Variants in KLC1 observed in about 807,000 individuals in gnomAD.
KLC1 encodes the protein kinesin light chain 1.
Under a neutral mutation model 84.2 loss-of-function variants are expected in KLC1, and 30 were observed. The ratio of observed to expected loss-of-function variants is 0.36; its 90% CI spans 0.27 to 0.48. The LOEUF (loss-of-function observed/expected upper bound fraction) is 0.48, where lower values mean the gene tolerates loss of function less well. KLC1 is among the 20% of genes least tolerant of loss of function. KLC1 has a pLI of 0.99. For missense variants in KLC1, 499 were observed against 805.4 expected, an observed-to-expected ratio of 0.62 and a Z score of 4.60; for synonymous variants, 289 against 293.3, an observed-to-expected ratio of 0.99 and a Z score of 0.15.
In KLC1 at chr14:103,641,430, C is replaced by T. The variant is rs114266544; in HGVS notation, c.-2+11936C>T. 5.3e-3 allele frequency among the ~76,000 whole-genome samples: 814 copies of T among 152,160 alleles called. 8 individuals carry two copies. The highest frequency in any genetic ancestry group is 0.019 in the African/African-American group (782 of 41,506). On this transcript the variant is annotated intron_variant, in intron 1 of 16. Transcript: ENST00000334553. ...AACAAAGTACCACAGGCTAGTGACT[C>T]ACGAACAACACAAGCCACAGTCCTG...
intron 1 of KLC1, among the ~76,000 whole-genome samples, chr14:103,638,900 G>GGTGTGT (rs530816509): frequency 3.3e-5 from 5 of 150,038 alleles, no homozygotes; most frequent in Non-Finnish European, 5.9e-5. Context: ...TGAGCACAAG[G>GGTGTGT]GTGTGTGTGT....
intron 1 of KLC1, among the ~76,000 whole-genome samples, chr14:103,653,995 G>T (rs1470451821): frequency 6.6e-6 from 1 of 152,190 alleles, no homozygotes; most frequent in Non-Finnish European, 1.5e-5. Context: ...GCCTGGCCCT[G>T]GTGGTGCTTC....
chr14:103,689,675 C>T lies in KLC1; in HGVS notation c.1781+2464C>T, dbSNP rs184037431. On this transcript the variant is annotated intron_variant, in intron 14 of 16. Transcript: ENST00000334553. ...TCCCACAGTGCTGGGGCTGCTGGCCCGGGGCCACTTTTTGAGAATCGCTCA... is the reference window on the plus strand; with the variant it reads ...TCCCACAGTGCTGGGGCTGCTGGCCTGGGGCCACTTTTTGAGAATCGCTCA... Among the ~76,000 whole-genome samples, 58 of 152,226 alleles carry T rather than the reference C, an allele frequency of 3.8e-4. 1 individual carries two copies. The highest frequency in any genetic ancestry group is 9.4e-4 in the African/African-American group (39 of 41,548).
chr14:103,648,621 A>G (rs999276694), intron 1 of KLC1, among the ~76,000 whole-genome samples: 1 of 152,056 alleles, frequency 6.6e-6, no homozygotes, highest in Admixed American at 6.6e-5. Context: ...TCTCTACAGA[A>G]AATAAAAAGA....
intron 5 of KLC1, among the ~76,000 whole-genome samples, chr14:103,664,990 T>C (rs1432061592): frequency 6.6e-6 from 1 of 152,164 alleles, no homozygotes; most frequent in Non-Finnish European, 1.5e-5. Context: ...GGGGATGCCA[T>C]GGCCTCTGTC....
rs190825007 is a variant in KLC1, at chr14:103,693,365, C to T, written c.1848+940C>T. Among the ~76,000 whole-genome samples the T allele has an allele frequency of 3.6e-4, 55 of 152,208 alleles. No individual in the cohort carries two copies. The highest frequency in any genetic ancestry group is 6.5e-4 in the Non-Finnish European group (44 of 67,996). On this transcript the variant is annotated intron_variant, in intron 15 of 16. Transcript: ENST00000334553. The surrounding 1 kb of genome is among the most constrained non-coding windows in gnomAD (Gnocchi z 5.1). ...AGAAAGTCTCTTCATTTTACAGGGT[C>T]CTGTAGCTGACCCAGTGTTTGCCCT...
At position 103,662,147 on chromosome 14, in the gene KLC1, C is replaced by G; in HGVS notation, c.524C>G (p.Pro175Arg). 2 of 1,613,960 alleles carry G rather than the reference C, an allele frequency of 1.2e-6. No individual in the cohort carries two copies. Among genetic ancestry groups the G allele is most frequent in the Non-Finnish European group, 1.7e-6 (2 of 1,179,912 alleles). ...AAAGACACTGATTCTACCAAAGAGC[C>G]TCTGGATGACCTTTTCCCCAATGAT... ...EDKDTDSTKE[P>R]LDDLFPNDED... The change falls in exon 4 of 17, where the codon CCT (proline) becomes CGT (arginine). Residue 175 changes from proline (P) to arginine (R), a missense_variant. Coordinates refer to ENST00000334553, the MANE Select transcript of KLC1 (RefSeq NM_001394837.1).
intron 1 of KLC1, among the ~76,000 whole-genome samples, chr14:103,652,501 T>G (rs3783405): frequency 0.018 from 2,710 of 152,028 alleles, 69 homozygotes; most frequent in African/African-American, 0.058. Flanking sequence ...TTTGTTCTTT[T>G]TTTTTTTTGA....
intron 5 of KLC1, among the ~76,000 whole-genome samples, chr14:103,665,883 G>A (rs925835274): frequency 9.9e-5 from 15 of 152,268 alleles, no homozygotes; most frequent in South Asian, 2.1e-4. Flanking sequence ...GGAGGTGGGG[G>A]GCTCTATTCC....
chr14:103,630,814 G>C (rs1371401084), intron 1 of KLC1, among the ~76,000 whole-genome samples: 1 of 152,216 alleles, frequency 6.6e-6, no homozygotes, highest in Admixed American at 6.5e-5. Context: ...ACTCTAAAGA[G>C]CCAGTGTCTC....
At chr14:103,635,331 T>C (rs756170246) in intron 1 of KLC1, among the ~76,000 whole-genome samples, 73 of 152,278 alleles carry the variant, frequency 4.8e-4, no homozygotes, top group Admixed American at 1.9e-3. Flanking sequence ...CCAGAGAAAA[T>C]AGGTACTGTA....
chr14:103,699,171 C>G, intron 15 of KLC1: 1 of 1,565,778 alleles, frequency 6.4e-7, no homozygotes, highest in Non-Finnish European at 8.6e-7. Context: ...CCTCCATGGC[C>G]TCTGTCACCT....
At chr14:103,673,249 C>G (rs1357249082) in intron 8 of KLC1, 62 bp downstream of exon 8, 5 of 1,569,090 alleles carry the variant, frequency 3.2e-6, no homozygotes, top group Non-Finnish European at 3.4e-6. Flanking sequence ...AGTCCAAACA[C>G]TTTCTCATTT....
At chr14:103,654,348 A>G (rs1398726931) in intron 1 of KLC1, among the ~76,000 whole-genome samples, 1 of 152,236 alleles carries the variant, frequency 6.6e-6, no homozygotes, top group Non-Finnish European at 1.5e-5. Context: ...GCTGTCATAA[A>G]AAAGAATTAA....
rs1595585009 is a variant in KLC1 at position 103,694,372 on chromosome 14, C to T, written c.1848+1947C>T. On this transcript the variant is annotated intron_variant, in intron 15 of 16. Transcript: ENST00000334553. The surrounding 1 kb of genome is among the most constrained non-coding windows in gnomAD (Gnocchi z 4.5). The stretch of plus-strand genomic sequence containing the variant: ...GTTCACGCCATTCTCCTGCCTCAGC[C>T]TCCCGAGTAGCTGGGACTACAGGCA... 1.1e-6 allele frequency: 1 copy of T among 941,260 alleles called. No individual in the cohort carries two copies. The highest frequency in any genetic ancestry group is 1.3e-6 in the Non-Finnish European group (1 of 789,916). The allele number at this position is 941,260 out of a possible 1,614,324, so 58.3% of individuals were successfully genotyped here.
chr14:103,675,649 C>T, intron 10 of KLC1, 40 bp from the exon 11 acceptor site: 1 of 1,601,844 alleles, frequency 6.2e-7, no homozygotes, highest in Non-Finnish European at 8.6e-7. Flanking sequence ...ATACTGCATT[C>T]AAGATAATTA....
At position 103,700,667 on chromosome 14, in the gene KLC1, C is replaced by G. The variant is rs757297093; in HGVS notation, c.1861C>G (p.Arg621Gly). The part of the protein sequence containing the change: ...AEDRFQGVSG[R>G]ASFCGKRQQQ... ...GCTTCATCTCCAGGGCGTCTCTGGC[C>G]GAGCCTCTTTTTGTGGAAAACGACA... The change falls in exon 16 of 17, where the codon CGA becomes GGA. Residue 621 changes from arginine (R) to glycine (G), a missense_variant. This residue lies in a region of KLC1 where 167 missense variants were observed against 208.8 expected (regional missense o/e 0.80). Coordinates refer to ENST00000334553, the MANE Select transcript of KLC1 (RefSeq NM_001394837.1). The G allele has an allele frequency of 6.2e-7, 1 of 1,607,354 alleles. No individual in the cohort carries two copies. Among genetic ancestry groups the G allele is most frequent in the East Asian group, 2.3e-5 (1 of 44,316 alleles).
intron 1 of KLC1, among the ~76,000 whole-genome samples, chr14:103,637,387 A>G (rs892357590): frequency 7.9e-5 from 12 of 151,820 alleles, no homozygotes; most frequent in African/African-American, 2.7e-4. Flanking sequence ...AAAATTCGCC[A>G]GGCGTGGTGG....
In KLC1 at chr14:103,677,531, A is replaced by G. The variant is rs541996902; in HGVS notation, c.1488+8A>G. ...ATGAGGTCTCGTAAACAGGTTAGTCATACTTCTGTCCTTAACCGGCCCATG... is the reference window on the plus strand; with the variant it reads ...ATGAGGTCTCGTAAACAGGTTAGTCGTACTTCTGTCCTTAACCGGCCCATG... On this transcript the variant is annotated splice_region_variant and intron_variant, in intron 12 of 16. Coordinates refer to ENST00000334553, the MANE Select transcript of KLC1 (RefSeq NM_001394837.1). 5 of 1,576,922 alleles carry G rather than the reference A, an allele frequency of 3.2e-6. No individual in the cohort carries two copies. The highest frequency in any genetic ancestry group is 3.5e-6 in the Non-Finnish European group (4 of 1,146,554).
Sources: allele counts gnomAD v4.1 joint callset (sites outside exome capture counted in the v4.1 genomes callset), GRCh38; gene constraint gnomAD v4.1.1; regional missense constraint gnomAD v4.1.1; non-coding constraint Gnocchi (gnomAD v3.1); transcripts MANE v1.5; gene names NCBI Gene and HGNC (gene_info 2026-07-23, HGNC 2026-07-21).